Variants in ATXN1 observed in about 807,000 individuals in gnomAD.
ATXN1 encodes the protein ataxin-1.
In ATXN1, 8 loss-of-function variants were observed where a neutral mutation model predicts 56.4. That is an observed-to-expected ratio of 0.14 (90% CI 0.08 to 0.26). ATXN1 has a LOEUF of 0.26. Ranked by LOEUF, ATXN1 falls within the 10% of genes least tolerant of loss-of-function variation. The pLI is 1.00. For missense variants in ATXN1, 987 were observed against 1,106.5 expected (o/e 0.89, Z 1.53); for synonymous variants, 514 against 494.6 (o/e 1.04, Z -0.52).
At chr6:16,360,010 C>A (rs571425591) in intron 6 of ATXN1, among the ~76,000 whole-genome samples, 1 of 151,996 alleles carries the variant, frequency 6.6e-6, no homozygotes, top group African/African-American at 2.4e-5. Flanking sequence ...TCAGAAATCA[C>A]CACCGAAGAA....
In ATXN1 at chr6:16,327,672, C is replaced by CTGCTGCTGA. The variant is rs780549091; in HGVS notation, c.638_639insTCAGCAGCA (p.Gln212_Gln213insHisGlnGln). On this transcript the variant is annotated inframe_insertion, in exon 7 of 8. Coordinates refer to ENST00000436367, the MANE Select transcript of ATXN1 (RefSeq NM_001128164.2). ...GCTGCTGCTGCTGCTGCTGCTGCTG[C>CTGCTGCTGA]TGCTGATGCTGATGCTGCTGCTGCT... 2.0e-3 allele frequency: 2,809 copies of CTGCTGCTGA among 1,394,414 alleles called. 7 individuals are homozygous for CTGCTGCTGA. The highest frequency in any genetic ancestry group is 2.4e-3 in the Non-Finnish European group (2,471 of 1,047,360). 86.4% of individuals were successfully genotyped at this position (1,394,414 alleles called of 1,614,324 possible).
At chr6:16,719,939 C>T (rs1265597602) in intron 2 of ATXN1, among the ~76,000 whole-genome samples, 1 of 152,174 alleles carries the variant, frequency 6.6e-6, no homozygotes, top group Non-Finnish European at 1.5e-5. Context: ...CCCTCCAGAA[C>T]TTTGAGAGAA....
intron 3 of ATXN1, among the ~76,000 whole-genome samples, chr6:16,632,500 G>A (rs1763522539): frequency 6.6e-6 from 1 of 152,120 alleles, no homozygotes; most frequent in African/African-American, 2.4e-5. Context: ...TCTTGTCAAT[G>A]ACCCAGAATC....
chr6:16,646,509 A>G (rs1475597798), intron 3 of ATXN1, among the ~76,000 whole-genome samples: 3 of 152,242 alleles, frequency 2.0e-5, no homozygotes, highest in Non-Finnish European at 4.4e-5. Context: ...TTATCATTAA[A>G]TCAGACTATC....
rs1347783433 is a variant in ATXN1 at position 16,303,556 on chromosome 6, T to A, written c.*2773A>T. On this transcript the variant is annotated 3_prime_UTR_variant, in exon 8 of 8. Transcript: ENST00000436367. The surrounding 1 kb of genome is among the most constrained non-coding windows in gnomAD (Gnocchi z 4.3). Reference sequence around the variant, plus strand: ...CTATTGGCACAGAAAGTATTGCACATGCTAAAAAAGCAAGAGAATGAAATG... The same window carrying A: ...CTATTGGCACAGAAAGTATTGCACAAGCTAAAAAAGCAAGAGAATGAAATG... The A allele has an allele frequency of 6.5e-6, 1 of 152,676 alleles. No homozygotes were observed. The highest frequency in any genetic ancestry group is 1.5e-5 in the Non-Finnish European group (1 of 68,050). 9.5% of individuals were successfully genotyped at this position (152,676 alleles called of 1,614,324 possible). A position where few individuals can be genotyped will look rare whatever the true frequency, so the allele number is the denominator to read the frequency against.
At chr6:16,421,186 T>C (rs1759024176) in intron 6 of ATXN1, among the ~76,000 whole-genome samples, 1 of 152,162 alleles carries the variant, frequency 6.6e-6, no homozygotes, top group Admixed American at 6.5e-5. Flanking sequence ...TTAAAAACAG[T>C]TGTTTCTGGC....
Position 16,709,453 on chromosome 6 carries a change from G to C in ATXN1, c.-615+43780C>G, listed in dbSNP as rs561318582. The stretch of plus-strand genomic sequence containing the variant: ...TCCTTGGCACAATGATGATACAACT[G>C]TTCTGTATCCTGATTGTGGTGGTAG... On this transcript the variant is annotated intron_variant, in intron 2 of 7. Transcript: ENST00000436367. Among the ~76,000 whole-genome samples the C allele has an allele frequency of 1.9e-3, 289 of 152,224 alleles. 1 individual carries two copies. Among genetic ancestry groups the C allele is most frequent in the Admixed American group, 4.4e-3 (67 of 15,274 alleles).
intron 6 of ATXN1, among the ~76,000 whole-genome samples, chr6:16,337,547 G>T (rs148447015): frequency 1.4e-3 from 210 of 152,382 alleles, no homozygotes; most frequent in African/African-American, 4.9e-3. Flanking sequence ...ATCCAAGCTG[G>T]TCCCAAATGA....
intron 4 of ATXN1, among the ~76,000 whole-genome samples, chr6:16,537,871 G>C (rs1342723299): frequency 2.6e-5 from 4 of 152,166 alleles, no homozygotes; most frequent in Non-Finnish European, 5.9e-5. Context: ...GGGAGGCCAA[G>C]GTGGGCGGAT....
At chr6:16,581,195 C>CTGTGTGTGTG (rs60028007) in intron 4 of ATXN1, among the ~76,000 whole-genome samples, 19 of 140,260 alleles carry the variant, frequency 1.4e-4, no homozygotes, top group South Asian at 4.8e-4. Flanking sequence ...CGAGAATGCA[C>CTGTGTGTGTG]TGTGTGTGTG....
intron 6 of ATXN1, among the ~76,000 whole-genome samples, chr6:16,368,777 CAT>C (rs962127212): frequency 1.4e-4 from 21 of 152,314 alleles, no homozygotes; most frequent in East Asian, 3.9e-4. Flanking sequence ...TTAGATTCCA[CAT>C]GTCTTAATCT....
chr6:16,682,214 T>TTTTTTTTTTTTTTG (rs1561806492), intron 2 of ATXN1, among the ~76,000 whole-genome samples: 3 of 148,930 alleles, frequency 2.0e-5, no homozygotes, highest in African/African-American at 2.5e-5. Flanking sequence ...TTTTTTTTTT[T>TTTTTTTTTTTTTTG]GAGATGGAGT....
intron 3 of ATXN1, among the ~76,000 whole-genome samples, chr6:16,611,390 G>C (rs1308933175): frequency 1.3e-5 from 2 of 152,032 alleles, no homozygotes; most frequent in Admixed American, 1.3e-4. Flanking sequence ...ACACAAAATG[G>C]AAAATGAGGG....
chr6:16,669,119 T>C (rs1250429782), intron 2 of ATXN1, among the ~76,000 whole-genome samples: 3 of 152,192 alleles, frequency 2.0e-5, no homozygotes, highest in Non-Finnish European at 2.9e-5. Flanking sequence ...CTCCTTTCTC[T>C]CAGACAAACC....
At chr6:16,695,388 C>A (rs1175666785) in intron 2 of ATXN1, among the ~76,000 whole-genome samples, 2 of 152,206 alleles carry the variant, frequency 1.3e-5, no homozygotes, top group African/African-American at 4.8e-5. Context: ...CCTCCTCCTG[C>A]AGTAGAAGCA....
chr6:16,433,835 G>C (rs1759336325), intron 6 of ATXN1, among the ~76,000 whole-genome samples: 1 of 152,246 alleles, frequency 6.6e-6, no homozygotes, highest in African/African-American at 2.4e-5. Flanking sequence ...TCCTGCCGGA[G>C]CTCAGGCGAG....
At chr6:16,525,296 TAAAG>T (rs1462295227) in intron 4 of ATXN1, among the ~76,000 whole-genome samples, 2 of 152,032 alleles carry the variant, frequency 1.3e-5, no homozygotes, top group African/African-American at 4.8e-5. Context: ...GATGAATGGA[TAAAG>T]AAAGTATAGT....
intron 4 of ATXN1, among the ~76,000 whole-genome samples, chr6:16,555,335 G>A (rs939493361): frequency 1.3e-5 from 2 of 152,134 alleles, no homozygotes; most frequent in Admixed American, 6.5e-5. Flanking sequence ...TACAAAAGCC[G>A]TGAACTGTAG....
intron 5 of ATXN1, among the ~76,000 whole-genome samples, chr6:16,489,214 C>T (rs1002497443): frequency 2.6e-5 from 4 of 152,190 alleles, no homozygotes; most frequent in African/African-American, 9.7e-5. Flanking sequence ...CTCCTAACAG[C>T]ATCTAGTGGA....
Sources: gnomAD v4.1 joint callset for allele counts (sites outside exome capture counted in the v4.1 genomes callset) on GRCh38, gnomAD v4.1.1 for gene constraint, Gnocchi (gnomAD v3.1) non-coding constraint, MANE v1.5 for transcripts, NCBI Gene and HGNC (gene_info 2026-07-23, HGNC 2026-07-21) for gene names.